Variants in VPS33B observed in about 807,000 individuals in gnomAD.
VPS33B encodes vacuolar protein sorting-associated protein 33B.
Under a neutral mutation model 95.3 loss-of-function variants are expected in VPS33B, and 80 were observed. That is an observed-to-expected ratio of 0.84 (90% CI 0.70 to 1.01). The LOEUF is 1.01. VPS33B is among the 50% of genes least tolerant of loss of function. The probability of loss-of-function intolerance (pLI) is 0.00; values close to 1 mark genes in which losing one functional copy is unlikely to be tolerated. For synonymous variants in VPS33B, 280 were observed against 280.4 expected (o/e 1.00, Z 0.01); for missense variants, 715 against 773.4 (o/e 0.92, Z 0.90).
chr15:91,000,870 T>C lies in VPS33B; in HGVS notation c.1480-279A>G. On this transcript the variant is annotated intron_variant, in intron 19 of 22. Transcript: ENST00000333371. This position sits in a 1 kb window ranked among gnomAD's most constrained non-coding sequence, Gnocchi z 4.9. ...TACCCTTAAGTGACACAGGATATGG[T>C]TGTCACTGAAGCAGCACTTAGAATA... 6.6e-6 allele frequency: 3 copies of C among 452,730 alleles called. No homozygotes were observed. The highest frequency in any genetic ancestry group is 4.1e-6 in the Non-Finnish European group (1 of 244,052). 28.0% of individuals were successfully genotyped at this position (452,730 alleles called of 1,614,324 possible).
intron 1 of VPS33B, among the ~76,000 whole-genome samples, chr15:91,019,475 G>A (rs1250001943): frequency 1.3e-5 from 2 of 152,074 alleles, no homozygotes; most frequent in Non-Finnish European, 2.9e-5. Flanking sequence ...GTCAACAGAG[G>A]GTAGGAAATC....
At position 90,999,786 on chromosome 15, in the gene VPS33B, A is replaced by C; in HGVS notation, c.1665T>G (p.Thr555=). Residue 555 remains threonine, a synonymous_variant, in exon 22 of 23, where the codon ACT becomes ACG. Transcript: ENST00000333371. This position sits in a 1 kb window ranked among gnomAD's most constrained non-coding sequence, Gnocchi z 5.1. ...NCSDFAFTDM[T]KEDKASSESL... is the part of the protein sequence containing the mutation. Reference sequence around the variant, plus strand: ...ACTCACTGGAAGCCTTGTCTTCCTTAGTCATATCTGTGAGGATCAGACCAG... The same window carrying C: ...ACTCACTGGAAGCCTTGTCTTCCTTCGTCATATCTGTGAGGATCAGACCAG... 1 of 1,614,098 alleles carries C rather than the reference A, an allele frequency of 6.2e-7. No individual in the cohort carries two copies. Among genetic ancestry groups the C allele is most frequent in the Non-Finnish European group, 8.5e-7 (1 of 1,180,006 alleles).
In VPS33B at chr15:91,000,056, A is replaced by T. The variant is rs1476504700; in HGVS notation, c.1582-81T>A. ...GGAAGGGCACAGCAGCCAGACTGTC[A>T]CATTTCTTGCTCATTACTCAAGTAG... On this transcript the variant is annotated intron_variant, in intron 20 of 22. Coordinates refer to ENST00000333371, the MANE Select transcript of VPS33B (RefSeq NM_018668.5). This position sits in a 1 kb window ranked among gnomAD's most constrained non-coding sequence, Gnocchi z 4.9. 2 of 1,563,300 alleles carry T rather than the reference A, an allele frequency of 1.3e-6. No individual in the cohort carries two copies. Among genetic ancestry groups the T allele is most frequent in the African/African-American group, 2.7e-5 (2 of 74,016 alleles).
Position 91,002,040 on chromosome 15 carries a change from C to T in VPS33B, c.1405+10G>A, listed in dbSNP as rs2040453414. The T allele has an allele frequency of 2.5e-6, 4 of 1,613,568 alleles. No homozygotes were observed. Among genetic ancestry groups the T allele is most frequent in the Non-Finnish European group, 2.5e-6 (3 of 1,180,002 alleles). ...AGCTGGAGCAGGGGTCACTTGTGCT[C>T]CCTGCTTACCTGCAGCCTTGTCGGT... is the stretch of plus-strand genomic sequence containing the variant. On this transcript the variant is annotated intron_variant, in intron 18 of 22. Transcript: ENST00000333371. This position sits in a 1 kb window ranked among gnomAD's most constrained non-coding sequence, Gnocchi z 4.7.
At position 91,013,859 on chromosome 15, in the gene VPS33B, G is replaced by A. The variant is rs767855531; in HGVS notation, c.302C>T (p.Ala101Val). ...GCGAGTTCGGCCAGCCAATTTGTCA[G>A]CATTGACAAGACCTACAGAGAGAAG... ...NMRYIASLVNADKLAGRTRKY... is the reference protein window; with the variant it reads ...NMRYIASLVNVDKLAGRTRKY... The change falls in exon 5 of 23, where the codon GCT becomes GTT. Residue 101 changes from alanine to valine, a missense_variant. Ala to Val is a moderately conservative substitution (Grantham distance 64). Coordinates refer to ENST00000333371, the MANE Select transcript of VPS33B (RefSeq NM_018668.5). This position sits in a 1 kb window ranked among gnomAD's most constrained non-coding sequence, Gnocchi z 4.5. The A allele has an allele frequency of 6.2e-7, 1 of 1,614,070 alleles. No individual in the cohort carries two copies. The highest frequency in any genetic ancestry group is 8.5e-7 in the Non-Finnish European group (1 of 1,179,996).
Position 91,002,274 on chromosome 15 carries a change from C to G in VPS33B, c.1273-92G>C, listed in dbSNP as rs891621497. The G allele has an allele frequency of 2.6e-6, 4 of 1,553,342 alleles. No homozygotes were observed. The African/African-American group carries it at 5.4e-5, about 21-fold the overall frequency. ...AGAGTTGAGCAGAAGGACTATGAAG[C>G]CTCTGCTGCAGTGTGAAGGAGCTCA... On this transcript the variant is annotated intron_variant, in intron 17 of 22. Transcript: ENST00000333371. The surrounding 1 kb of genome is among the most constrained non-coding windows in gnomAD (Gnocchi z 4.7).
Position 91,002,268 on chromosome 15 carries a change from A to G in VPS33B, c.1273-86T>C, listed in dbSNP as rs1051631104. The G allele has an allele frequency of 5.1e-6, 8 of 1,569,292 alleles. 1 individual carries two copies. In the South Asian group the frequency reaches 9.2e-5, roughly 18 times the overall value. On this transcript the variant is annotated intron_variant, in intron 17 of 22. Coordinates refer to ENST00000333371, the MANE Select transcript of VPS33B (RefSeq NM_018668.5). This position sits in a 1 kb window ranked among gnomAD's most constrained non-coding sequence, Gnocchi z 4.7. ...TACTACAGAGTTGAGCAGAAGGACT[A>G]TGAAGCCTCTGCTGCAGTGTGAAGG...
chr15:90,998,960 T>C lies in VPS33B; in HGVS notation c.*15A>G, dbSNP rs2040349962. On this transcript the variant is annotated 3_prime_UTR_variant, in exon 23 of 23. Coordinates refer to ENST00000333371, the MANE Select transcript of VPS33B (RefSeq NM_018668.5). The surrounding 1 kb of genome is among the most constrained non-coding windows in gnomAD (Gnocchi z 4.8). ...ATGTGTTCAGGGAAGATGTCAACAC[T>C]GGCCGGGAAAAACATCAGGCTTTCA... 1 of 1,613,898 alleles carries C rather than the reference T, an allele frequency of 6.2e-7. No individual in the cohort carries two copies. Among genetic ancestry groups the C allele is most frequent in the Non-Finnish European group, 8.5e-7 (1 of 1,179,934 alleles).
chr15:91,000,955 A>C lies in VPS33B; in HGVS notation c.1480-364T>G, dbSNP rs16945157. Reference sequence around the variant, plus strand: ...ATTAAATGAATGAATCTACCATGCTATAAGACTACCAAACAAAAGAATCTT... The same window carrying C: ...ATTAAATGAATGAATCTACCATGCTCTAAGACTACCAAACAAAAGAATCTT... On this transcript the variant is annotated intron_variant, in intron 19 of 22. Transcript: ENST00000333371. The surrounding 1 kb of genome is among the most constrained non-coding windows in gnomAD (Gnocchi z 4.9). 2.7e-6 allele frequency: 1 copy of C among 365,300 alleles called. No homozygotes were observed. Among genetic ancestry groups the C allele is most frequent in the African/African-American group, 2.1e-5 (1 of 47,548 alleles). The allele number at this position is 365,300 out of a possible 1,614,324, so 22.6% of individuals were successfully genotyped here.
chr15:91,001,950 G>A, intron 18 of VPS33B, 100 bp downstream of exon 18: 1 of 1,586,056 alleles, frequency 6.3e-7, no homozygotes, highest in Non-Finnish European at 8.6e-7. Flanking sequence ...GAAGGAATCA[G>A]TCCACCTTCT....
intron 6 of VPS33B, among the ~76,000 whole-genome samples, chr15:91,008,716 C>T (rs2040687870): frequency 6.6e-6 from 1 of 152,184 alleles, no homozygotes; most frequent in Non-Finnish European, 1.5e-5. Context: ...CAAATTATGA[C>T]ACAAACTATT....
chr15:91,011,939 A>C lies in VPS33B; in HGVS notation c.357+1865T>G, dbSNP rs914877536. Reference sequence around the variant, plus strand: ...GGGAGGCGGAGGTTGCAGTGAGTCGAGATTGCGGCACTGCACTCCAGTCTG... The same window carrying C: ...GGGAGGCGGAGGTTGCAGTGAGTCGCGATTGCGGCACTGCACTCCAGTCTG... On this transcript the variant is annotated intron_variant, in intron 5 of 22. Coordinates refer to ENST00000333371, the MANE Select transcript of VPS33B (RefSeq NM_018668.5). The surrounding 1 kb of genome is among the most constrained non-coding windows in gnomAD (Gnocchi z 5.5). 6.6e-6 allele frequency among the ~76,000 whole-genome samples: 1 copy of C among 152,152 alleles called. No homozygotes were observed. Among genetic ancestry groups the C allele is most frequent in the African/African-American group, 2.4e-5 (1 of 41,428 alleles).
chr15:91,000,158 TC>T lies in VPS33B; in HGVS notation c.1582-184del, dbSNP rs1477382839. ...ACTTTAGGAGTTTGAGGCGGGGGGA[TC>T]ACCTGAGGTCAGGAGTTCGAGACCA... On this transcript the variant is annotated intron_variant, in intron 20 of 22. Coordinates refer to ENST00000333371, the MANE Select transcript of VPS33B (RefSeq NM_018668.5). This position sits in a 1 kb window ranked among gnomAD's most constrained non-coding sequence, Gnocchi z 4.9. Among the ~76,000 whole-genome samples the T allele has an allele frequency of 6.6e-6, 1 of 152,138 alleles. No individual in the cohort carries two copies. Among genetic ancestry groups the T allele is most frequent in the African/African-American group, 2.4e-5 (1 of 41,424 alleles).
rs2040384080 is a variant in VPS33B at position 90,999,851 on chromosome 15, T to C, written c.1657+49A>G. Reference sequence around the variant, plus strand: ...TGACATGCTAGTCCTGAGTGGTGCATCCAGCCCACCTCTCACTGCCAGCCT... The same window carrying C: ...TGACATGCTAGTCCTGAGTGGTGCACCCAGCCCACCTCTCACTGCCAGCCT... On this transcript the variant is annotated intron_variant, in intron 21 of 22. Coordinates refer to ENST00000333371, the MANE Select transcript of VPS33B (RefSeq NM_018668.5). The surrounding 1 kb of genome is among the most constrained non-coding windows in gnomAD (Gnocchi z 5.1). The C allele has an allele frequency of 6.2e-7, 1 of 1,613,556 alleles. No individual in the cohort carries two copies. The highest frequency in any genetic ancestry group is 8.5e-7 in the Non-Finnish European group (1 of 1,179,490).
chr15:91,005,500 G>A lies in VPS33B; in HGVS notation c.1031-46C>T. On this transcript the variant is annotated intron_variant, in intron 13 of 22. Transcript: ENST00000333371. This position sits in a 1 kb window ranked among gnomAD's most constrained non-coding sequence, Gnocchi z 6.4. Reference sequence around the variant, plus strand: ...GCTGACATACTCCTGGTTCTAGAAAGATGTCCCTTTATTGTCCGGAAGAAT... The same window carrying A: ...GCTGACATACTCCTGGTTCTAGAAAAATGTCCCTTTATTGTCCGGAAGAAT... 6.2e-7 allele frequency: 1 copy of A among 1,612,410 alleles called. No individual in the cohort carries two copies.
chr15:91,000,510 T>C lies in VPS33B; in HGVS notation c.1561A>G (p.Ser521Gly). The stretch of plus-strand genomic sequence containing the variant: ...CTCACCTGCTCAATGATTCGGCAGC[T>C]CAGGGGCACATAAGCACCACCGAAG... ...YVFGGAYVPL[S>G]CRIIEQVLER... Residue 521 changes from serine to glycine, a missense_variant, in exon 20 of 23, where the codon AGC becomes GGC. Coordinates refer to ENST00000333371, the MANE Select transcript of VPS33B (RefSeq NM_018668.5). This position sits in a 1 kb window ranked among gnomAD's most constrained non-coding sequence, Gnocchi z 4.9. 6 of 1,613,112 alleles carry C rather than the reference T, an allele frequency of 3.7e-6. No homozygotes were observed. Among genetic ancestry groups the C allele is most frequent in the Non-Finnish European group, 5.1e-6 (6 of 1,179,514 alleles).
Position 91,005,677 on chromosome 15 carries a change from C to T in VPS33B, c.1030+17G>A. 2.5e-6 allele frequency: 4 copies of T among 1,614,176 alleles called. No homozygotes were observed. The highest frequency in any genetic ancestry group is 1.1e-5 in the South Asian group (1 of 91,090). ...GACACAGTCACTTCCCCTCACGCCC[C>T]TCAAGCTGAAACCTACGGAGACTCA... On this transcript the variant is annotated intron_variant, in intron 13 of 22. Transcript: ENST00000333371. This position sits in a 1 kb window ranked among gnomAD's most constrained non-coding sequence, Gnocchi z 6.4.
chr15:90,998,911 C>T lies in VPS33B; in HGVS notation c.*64G>A. On this transcript the variant is annotated 3_prime_UTR_variant, in exon 23 of 23. Coordinates refer to ENST00000333371, the MANE Select transcript of VPS33B (RefSeq NM_018668.5). The surrounding 1 kb of genome is among the most constrained non-coding windows in gnomAD (Gnocchi z 4.8). ...ACACTTGGTTATAGCAGCTGGGTGCCAGATGCCTGCATCTCACTGAGGAAT... is the reference window on the plus strand; with the variant it reads ...ACACTTGGTTATAGCAGCTGGGTGCTAGATGCCTGCATCTCACTGAGGAAT... 1 of 1,568,176 alleles carries T rather than the reference C, an allele frequency of 6.4e-7. No individual in the cohort carries two copies. Among genetic ancestry groups the T allele is most frequent in the Non-Finnish European group, 8.7e-7 (1 of 1,143,244 alleles).
chr15:91,017,367 AATATATATATATATAT>A (rs1159663715), intron 2 of VPS33B, among the ~76,000 whole-genome samples: 228 of 15,838 alleles, frequency 0.014, 9 homozygotes, highest in Middle Eastern at 0.036. Flanking sequence ...TACAAAATTA[AATATATATATATATAT>A]ATATATATAT....
Sources: gnomAD v4.1 joint callset for allele counts (sites outside exome capture counted in the v4.1 genomes callset) on GRCh38, gnomAD v4.1.1 for gene constraint, Gnocchi (gnomAD v3.1) non-coding constraint, MANE v1.5 for transcripts, NCBI Gene and HGNC (gene_info 2026-07-23, HGNC 2026-07-21) for gene names.